Variants in AAK1 observed in about 807,000 individuals in gnomAD.
The protein encoded by AAK1 is AP2-associated protein kinase 1.
AAK1 carries 37 observed loss-of-function variants against 116.0 expected under a neutral mutation model. The observed-to-expected ratio is 0.32, with a 90% CI of 0.25 to 0.42. The LOEUF (loss-of-function observed/expected upper bound fraction) is 0.42, where lower values mean the gene tolerates loss of function less well. Ranked by LOEUF, AAK1 falls within the 10% of genes least tolerant of loss-of-function variation. The pLI, the probability that AAK1 is intolerant of heterozygous loss-of-function variation, is 1.00. For synonymous variants in AAK1, 458 were observed against 439.9 expected (o/e 1.04, Z -0.51); for missense variants, 919 against 1,170.6 (o/e 0.79, Z 3.14).
intron 2 of AAK1, among the ~76,000 whole-genome samples, chr2:69,640,731 T>C (rs1412553254): frequency 6.6e-6 from 1 of 152,190 alleles, no homozygotes. Flanking sequence ...TTACGTGACA[T>C]TCTCTCTCGC....
chr2:69,491,705 A>G (rs974667871), intron 17 of AAK1, among the ~76,000 whole-genome samples: 2 of 152,310 alleles, frequency 1.3e-5, no homozygotes, highest in African/African-American at 4.8e-5. Flanking sequence ...AGCATTTCCC[A>G]TCTTTATAGT....
At chr2:69,641,414 G>T (rs1675718727) in intron 2 of AAK1, among the ~76,000 whole-genome samples, 1 of 152,184 alleles carries the variant, frequency 6.6e-6, no homozygotes, top group Non-Finnish European at 1.5e-5. Flanking sequence ...AGCGGGCACA[G>T]AAGCATCTCC....
chr2:69,540,267 G>A (rs751942961), intron 5 of AAK1, among the ~76,000 whole-genome samples: 7 of 151,932 alleles, frequency 4.6e-5, no homozygotes, highest in Non-Finnish European at 8.8e-5. Context: ...GATTACAGGT[G>A]CCAGCCACCA....
rs1422101618 is a variant in AAK1 at position 69,472,850 on chromosome 2, T to C, written c.*3019A>G. 3.0e-6 allele frequency: 3 copies of C among 985,678 alleles called. No homozygotes were observed. The highest frequency in any genetic ancestry group is 3.6e-6 in the Non-Finnish European group (3 of 829,902). 61.1% of individuals were successfully genotyped at this position (985,678 alleles called of 1,614,324 possible). ...AGGTGTGTGTCCACGCATGTGTTTC[T>C]GTAATACTTAAAAAGGAAAATCTCT... On this transcript the variant is annotated 3_prime_UTR_variant, in exon 22 of 22. Transcript: ENST00000409085.
chr2:69,626,404 T>G (rs1456263426), intron 2 of AAK1, among the ~76,000 whole-genome samples: 1 of 151,752 alleles, frequency 6.6e-6, no homozygotes, highest in African/African-American at 2.4e-5. Context: ...CCTCCATATT[T>G]CCAAATCCAA....
rs989114856 is a variant in AAK1 at position 69,473,441 on chromosome 2, A to G, written c.*2428T>C. On this transcript the variant is annotated 3_prime_UTR_variant, in exon 22 of 22. Transcript: ENST00000409085. ...AAAGCACTCATATGTGTTCCTTAAC[A>G]GAAAAATAGTTCTCCCCTTTGAGGA... The G allele has an allele frequency of 1.0e-6, 1 of 985,350 alleles. No individual in the cohort carries two copies. The highest frequency in any genetic ancestry group is 1.2e-6 in the Non-Finnish European group (1 of 829,940). 61.0% of individuals were successfully genotyped at this position (985,350 alleles called of 1,614,324 possible).
intron 12 of AAK1, 121 bp from the exon 13 acceptor site, chr2:69,514,870 C>T (rs999441294): frequency 8.4e-6 from 10 of 1,188,962 alleles, no homozygotes; most frequent in Non-Finnish European, 1.0e-5. Context: ...GTAGAAAAGT[C>T]TTGAGGCTAG....
Position 69,605,397 on chromosome 2 carries a change from TC to T in AAK1, c.163+37480del, listed in dbSNP as rs200951245. Reference sequence around the variant, plus strand: ...AAACTAGTGGAAACCCTAACCATTCTCCTTGCTCTGCCTTTTCCTTCTTATG... The same window carrying T: ...AAACTAGTGGAAACCCTAACCATTCTCTTGCTCTGCCTTTTCCTTCTTATG... On this transcript the variant is annotated intron_variant, in intron 2 of 21. Transcript: ENST00000409085. Among the ~76,000 whole-genome samples the T allele has an allele frequency of 8.4e-3, 1,287 of 152,314 alleles. 26 individuals are homozygous for T. Among genetic ancestry groups the T allele is most frequent in the African/African-American group, 0.029 (1,211 of 41,558 alleles).
intron 2 of AAK1, among the ~76,000 whole-genome samples, chr2:69,638,357 C>T (rs1559023882): frequency 1.3e-5 from 2 of 152,122 alleles, no homozygotes; most frequent in African/African-American, 4.8e-5. Flanking sequence ...TTTGCTTAAG[C>T]TTCTAGCCTC....
chr2:69,523,244 T>G (rs1325291834), intron 10 of AAK1, among the ~76,000 whole-genome samples: 4 of 152,170 alleles, frequency 2.6e-5, no homozygotes, highest in Non-Finnish European at 5.9e-5. Context: ...AAGACAGCCA[T>G]GAGCACAAAG....
intron 2 of AAK1, among the ~76,000 whole-genome samples, chr2:69,616,894 C>T (rs1045510658): frequency 2.6e-5 from 4 of 152,170 alleles, no homozygotes; most frequent in African/African-American, 7.2e-5. Context: ...GGTTATAATG[C>T]CCTTTTTCTA....
At chr2:69,509,870 G>T (rs992880334) in intron 13 of AAK1, among the ~76,000 whole-genome samples, 1 of 152,134 alleles carries the variant, frequency 6.6e-6, no homozygotes, top group Non-Finnish European at 1.5e-5. Flanking sequence ...GCAAGCAATA[G>T]ATCCTATCAC....
intron 17 of AAK1, among the ~76,000 whole-genome samples, chr2:69,493,177 A>AAAAAAAAAAAAT (rs1675608136): frequency 6.7e-6 from 1 of 148,484 alleles, no homozygotes; most frequent in African/African-American, 2.5e-5. Flanking sequence ...AAAAAAAAAA[A>AAAAAAAAAAAAT]GGATGCAGTG....
At chr2:69,614,943 C>T (rs953883188) in intron 2 of AAK1, among the ~76,000 whole-genome samples, 1 of 152,130 alleles carries the variant, frequency 6.6e-6, no homozygotes, top group Non-Finnish European at 1.5e-5. Context: ...TGAGGGAGCA[C>T]GGCCCTGTCA....
chr2:69,629,066 C>T (rs779389158), intron 2 of AAK1, among the ~76,000 whole-genome samples: 18 of 152,224 alleles, frequency 1.2e-4, no homozygotes, highest in Non-Finnish European at 1.2e-4. Context: ...CACACTCCGA[C>T]CTCTTAAGTC....
At position 69,475,288 on chromosome 2, in the gene AAK1, T is replaced by C; in HGVS notation, c.*581A>G. 5 of 985,904 alleles carry C rather than the reference T, an allele frequency of 5.1e-6. No individual in the cohort carries two copies. The highest frequency in any genetic ancestry group is 6.0e-6 in the Non-Finnish European group (5 of 830,040). 61.1% of individuals were successfully genotyped at this position (985,904 alleles called of 1,614,324 possible). A position where few individuals can be genotyped will look rare whatever the true frequency, so the allele number is the denominator to read the frequency against. On this transcript the variant is annotated 3_prime_UTR_variant, in exon 22 of 22. Transcript: ENST00000409085. The stretch of plus-strand genomic sequence containing the variant: ...GTTGGTTGGCTAGAGCTGGGCTCAA[T>C]TTCTCTTCTCAAATATATACTACCA...
chr2:69,598,922 A>G, intron 2 of AAK1: 1 of 398,364 alleles, frequency 2.5e-6, no homozygotes, highest in South Asian at 2.1e-5. Flanking sequence ...TTTTTGATAG[A>G]TTATGCTAAG....
rs915909075 is a variant in AAK1 at position 69,468,545 on chromosome 2, G to T, written c.*7324C>A. ...GCAGGAGAGCAAAATATCTCTTAGG[G>T]AAAAAAAATGGAAAACTTAGTCAAG... On this transcript the variant is annotated 3_prime_UTR_variant, in exon 22 of 22. Transcript: ENST00000409085. 24 of 984,890 alleles carry T rather than the reference G, an allele frequency of 2.4e-5. No homozygotes were observed. The highest frequency in any genetic ancestry group is 5.2e-4 in the Middle Eastern group (1 of 1,936). 61.0% of individuals were successfully genotyped at this position (984,890 alleles called of 1,614,324 possible).
intron 16 of AAK1, among the ~76,000 whole-genome samples, chr2:69,502,873 A>C (rs924884182): frequency 1.6e-4 from 24 of 152,254 alleles, no homozygotes; most frequent in Non-Finnish European, 2.6e-4. Flanking sequence ...ACAAAAATTT[A>C]GCTTCAAGAA....
Sources: gnomAD v4.1 joint callset for allele counts (sites outside exome capture counted in the v4.1 genomes callset) on GRCh38, gnomAD v4.1.1 for gene constraint, MANE v1.5 for transcripts, NCBI Gene and HGNC (gene_info 2026-07-23, HGNC 2026-07-21) for gene names.